Variants in INPP4B observed in about 807,000 individuals in gnomAD.
INPP4B encodes the protein inositol polyphosphate-4-phosphatase type II B, also known as inositol polyphosphate 4-phosphatase type II.
INPP4B carries 55 observed loss-of-function variants against 122.5 expected under a neutral mutation model. That is an observed-to-expected ratio of 0.45 (90% confidence interval 0.36 to 0.56). The LOEUF (loss-of-function observed/expected upper bound fraction) is 0.56, where lower values mean the gene tolerates loss of function less well. Among genes scored for constraint, INPP4B ranks in the 20% least tolerant of loss-of-function variants. INPP4B has a pLI of 0.00. For synonymous variants in INPP4B, 403 were observed against 388.7 expected (o/e 1.04, Z -0.43); for missense variants, 1,000 against 1,097.7 (o/e 0.91, Z 1.26).
At chr4:142,390,131 C>T (rs777487935) in intron 7 of INPP4B, among the ~76,000 whole-genome samples, 7 of 151,996 alleles carry the variant, frequency 4.6e-5, no homozygotes, top group African/African-American at 7.3e-5. Flanking sequence ...TCTCACCATA[C>T]GGTCAAACTG....
intron 2 of INPP4B, among the ~76,000 whole-genome samples, chr4:142,465,080 ATTT>A (rs1181333251): frequency 2.0e-5 from 3 of 152,176 alleles, no homozygotes; most frequent in African/African-American, 7.2e-5. Flanking sequence ...CCCTTGAATA[ATTT>A]TTTTAAATAC....
At chr4:142,508,931 A>T (rs1286693940) in intron 2 of INPP4B, among the ~76,000 whole-genome samples, 1 of 152,192 alleles carries the variant, frequency 6.6e-6, no homozygotes, top group Non-Finnish European at 1.5e-5. Flanking sequence ...CATGGTTGGG[A>T]AACTCGGCTA....
At chr4:142,310,596 A>T (rs1171896425) in intron 8 of INPP4B, among the ~76,000 whole-genome samples, 1 of 152,076 alleles carries the variant, frequency 6.6e-6, no homozygotes, top group Non-Finnish European at 1.5e-5. Flanking sequence ...GGTCTCTGAA[A>T]AGTTGAAGTT....
chr4:142,643,729 T>TA (rs1751078617), intron 2 of INPP4B, among the ~76,000 whole-genome samples: 1 of 152,220 alleles, frequency 6.6e-6, no homozygotes, highest in Non-Finnish European at 1.5e-5. Flanking sequence ...AAATACTTAA[T>TA]AGCTAATTGG....
intron 3 of INPP4B, among the ~76,000 whole-genome samples, chr4:142,445,500 T>A (rs1241563979): frequency 6.6e-6 from 1 of 152,176 alleles, no homozygotes; most frequent in Non-Finnish European, 1.5e-5. Flanking sequence ...AATGGTTAAT[T>A]CATCAAGAAG....
chr4:142,171,882 A>T (rs1825796402), intron 16 of INPP4B, among the ~76,000 whole-genome samples: 1 of 151,858 alleles, frequency 6.6e-6, no homozygotes, highest in African/African-American at 2.4e-5. Flanking sequence ...GATGTATGAA[A>T]TGACAAATCC....
At chr4:142,784,122 G>A (rs1207802179) in intron 1 of INPP4B, among the ~76,000 whole-genome samples, 1 of 152,044 alleles carries the variant, frequency 6.6e-6, no homozygotes, top group East Asian at 1.9e-4. Context: ...CAGTACTTTG[G>A]GAGGCTGAGG....
chr4:142,139,213 C>G (rs1806397160), intron 18 of INPP4B, among the ~76,000 whole-genome samples: 1 of 152,116 alleles, frequency 6.6e-6, no homozygotes, highest in Non-Finnish European at 1.5e-5. Flanking sequence ...TCTTTTCCAA[C>G]CAATACAAAT....
intron 2 of INPP4B, among the ~76,000 whole-genome samples, chr4:142,585,512 G>A (rs2150221610): frequency 6.6e-6 from 1 of 152,156 alleles, no homozygotes; most frequent in South Asian, 2.1e-4. Context: ...GGATCATCCA[G>A]GACAGCAAAT....
chr4:142,072,047 T>C (rs374088810), intron 25 of INPP4B, among the ~76,000 whole-genome samples: 5 of 152,190 alleles, frequency 3.3e-5, no homozygotes, highest in East Asian at 1.9e-4. Flanking sequence ...CATATGTTTA[T>C]TGTGGCACCA....
Position 142,208,911 on chromosome 4 carries a change from G to T in INPP4B, c.952C>A (p.Leu318Ile). The T allele has an allele frequency of 1.3e-6, 2 of 1,569,996 alleles. No homozygotes were observed. The highest frequency in any genetic ancestry group is 8.7e-7 in the Non-Finnish European group (1 of 1,155,242). Residue 318 changes from leucine to isoleucine, a missense_variant, in exon 13 of 26, where the codon CTT (leucine) becomes ATT (isoleucine). By Grantham distance (5) the Leu-to-Ile change is conservative. Coordinates refer to ENST00000262992, the MANE Select transcript of INPP4B (RefSeq NM_001101669.3). ...GCTTCCACACCTGTTTCCTTGCTAA[G>T]TTCTGTCAGAATGTCTTGGTACATA... ...VNMYQDILTELSKETGSSFKS... is the reference protein window; with the variant it reads ...VNMYQDILTEISKETGSSFKS...
intron 15 of INPP4B, among the ~76,000 whole-genome samples, chr4:142,185,382 A>ATG (rs1345378248): frequency 7.3e-5 from 6 of 81,902 alleles, no homozygotes; most frequent in Non-Finnish European, 1.2e-4. Context: ...ATAAATATAT[A>ATG]TGTGTATGTG....
At chr4:142,351,712 A>G (rs1277641853) in intron 7 of INPP4B, among the ~76,000 whole-genome samples, 1 of 152,030 alleles carries the variant, frequency 6.6e-6, no homozygotes, top group African/African-American at 2.4e-5. Context: ...CAAGATGAAC[A>G]TGGCTATTAA....
intron 2 of INPP4B, among the ~76,000 whole-genome samples, chr4:142,574,056 C>T (rs939097462): frequency 4.6e-5 from 7 of 152,164 alleles, no homozygotes; most frequent in South Asian, 2.1e-4. Flanking sequence ...AGTACCATTG[C>T]TAAAATTCTA....
At chr4:142,415,897 A>G (rs1805625427) in intron 5 of INPP4B, among the ~76,000 whole-genome samples, 1 of 151,812 alleles carries the variant, frequency 6.6e-6, no homozygotes, top group East Asian at 1.9e-4. Context: ...GCAAACTATC[A>G]CAAGGACAAA....
intron 5 of INPP4B, among the ~76,000 whole-genome samples, chr4:142,411,460 A>G (rs1453762877): frequency 6.6e-6 from 1 of 152,236 alleles, no homozygotes; most frequent in East Asian, 1.9e-4. Flanking sequence ...CATACCTTCG[A>G]ATCTAATGAA....
At chr4:142,578,658 A>C (rs967562545) in intron 2 of INPP4B, among the ~76,000 whole-genome samples, 1 of 151,874 alleles carries the variant, frequency 6.6e-6, no homozygotes, top group Non-Finnish European at 1.5e-5. Flanking sequence ...CTTCATTTTA[A>C]CTTAATCACC....
At chr4:142,113,063 A>G (rs970108200) in intron 21 of INPP4B, among the ~76,000 whole-genome samples, 4 of 152,130 alleles carry the variant, frequency 2.6e-5, no homozygotes, top group African/African-American at 9.6e-5. Flanking sequence ...CAGTGAAGCT[A>G]AATAAACCAA....
chr4:142,596,560 A>C (rs551403799), intron 2 of INPP4B, among the ~76,000 whole-genome samples: 2 of 152,242 alleles, frequency 1.3e-5, no homozygotes, highest in Non-Finnish European at 2.9e-5. Flanking sequence ...ATTTTGTTTT[A>C]AGCCAGTATG....
Sources: gnomAD v4.1 joint callset for allele counts (sites outside exome capture counted in the v4.1 genomes callset) on GRCh38, gnomAD v4.1.1 for gene constraint, MANE v1.5 for transcripts, NCBI Gene and HGNC (gene_info 2026-07-23, HGNC 2026-07-21) for gene names.